Variants in NAA25 observed in about 807,000 individuals in gnomAD.
NAA25 encodes N-terminal acetyltransferase B complex subunit NAA25.
A neutral mutation model predicts 132.5 loss-of-function variants in NAA25; 30 were observed. That is an observed-to-expected ratio of 0.23 (90% CI 0.17 to 0.31). The LOEUF is 0.31. NAA25 is among the 10% of genes least tolerant of loss of function. The probability of loss-of-function intolerance (pLI) is 1.00; values close to 1 mark genes in which losing one functional copy is unlikely to be tolerated. For missense variants in NAA25, 771 were observed against 1,150.4 expected, an observed-to-expected ratio of 0.67 and a Z score of 4.77; for synonymous variants, 359 against 401.9, an observed-to-expected ratio of 0.89 and a Z score of 1.28.
chr12:112,052,088 CTT>C (rs2078475281), intron 15 of NAA25, among the ~76,000 whole-genome samples: 1 of 152,086 alleles, frequency 6.6e-6, no homozygotes, highest in Non-Finnish European at 1.5e-5. Flanking sequence ...TTTCATCTCT[CTT>C]ATAAATACAG....
At chr12:112,051,148 T>G (rs1263877663) in intron 15 of NAA25, among the ~76,000 whole-genome samples, 1 of 152,180 alleles carries the variant, frequency 6.6e-6, no homozygotes, top group Non-Finnish European at 1.5e-5. Flanking sequence ...TAGGAAACAG[T>G]TCACACCACA....
At chr12:112,102,118 G>C (rs2079304129) in intron 1 of NAA25, among the ~76,000 whole-genome samples, 1 of 151,972 alleles carries the variant, frequency 6.6e-6, no homozygotes. Flanking sequence ...ATCCACCCAG[G>C]AGGCGGAGGT....
intron 16 of NAA25, 63 bp from the exon 17 acceptor site, chr12:112,047,853 C>T: frequency 6.8e-7 from 1 of 1,474,766 alleles, no homozygotes; most frequent in Non-Finnish European, 9.2e-7. Flanking sequence ...TATTATTAAT[C>T]AGGACTTCCT....
rs372608019 is a variant in NAA25 at position 112,075,693 on chromosome 12, C to T, written c.761G>A (p.Arg254His). ...TTTTACTCACTTTTTTAGTAAGAGGCGCCGGGAAAGGGCATTGCACTCTGG... is the reference window on the plus strand; with the variant it reads ...TTTTACTCACTTTTTTAGTAAGAGGTGCCGGGAAAGGGCATTGCACTCTGG... Reference protein sequence around the residue: ...RWPECNALSRRLLLKNSDDWQ... With the variant: ...RWPECNALSRHLLLKNSDDWQ... The change falls in exon 8 of 24, where the codon CGC becomes CAC. Residue 254 changes from arginine (R) to histidine (H), a missense_variant. Physicochemically the swap from Arg to His is conservative, Grantham distance 29 (BLOSUM62 0). Coordinates refer to ENST00000261745, the MANE Select transcript of NAA25 (RefSeq NM_024953.4). 6.2e-7 allele frequency: 1 copy of T among 1,613,652 alleles called. No homozygotes were observed. Among genetic ancestry groups the T allele is most frequent in the Non-Finnish European group, 8.5e-7 (1 of 1,179,728 alleles).
intron 17 of NAA25, 43 bp downstream of exon 17, chr12:112,047,622 A>C (rs1369490436): frequency 6.3e-7 from 1 of 1,599,626 alleles, no homozygotes; most frequent in Non-Finnish European, 8.5e-7. Flanking sequence ...AACAAAAAAC[A>C]AACAAAAACT....
chr12:112,090,992 G>T, intron 2 of NAA25, 128 bp from the exon 3 acceptor site: 1 of 855,414 alleles, frequency 1.2e-6, no homozygotes, highest in Non-Finnish European at 1.8e-6. Context: ...TTCAGGCTGG[G>T]TGCGGCGGCT....
chr12:112,071,820 A>C, intron 10 of NAA25, 75 bp downstream of exon 10: 1 of 1,176,878 alleles, frequency 8.5e-7, no homozygotes, highest in Non-Finnish European at 1.2e-6. Context: ...TGTCCAGTGT[A>C]GATCTCAACT....
chr12:112,086,555 T>C lies in NAA25; in HGVS notation c.402+1128A>G, dbSNP rs556998094. 8.5e-4 allele frequency among the ~76,000 whole-genome samples: 129 copies of C among 152,196 alleles called. 1 individual carries two copies. The highest frequency in any genetic ancestry group is 8.1e-3 in the Admixed American group (123 of 15,276). On this transcript the variant is annotated intron_variant, in intron 4 of 23. Transcript: ENST00000261745. ...TTAAAACTTGCATAAACTTAAAATA[T>C]AGAGACTGATTTTAAGAAAGAGTTT...
intron 11 of NAA25, 145 bp from the exon 12 acceptor site, chr12:112,061,533 CA>C (rs2078629834): frequency 7.4e-6 from 5 of 678,122 alleles, no homozygotes; most frequent in Non-Finnish European, 9.7e-6. Context: ...TTCTATCTAC[CA>C]AAATAGCTAA....
At chr12:112,073,612 AT>A (rs1218449939) in intron 9 of NAA25, among the ~76,000 whole-genome samples, 3 of 151,870 alleles carry the variant, frequency 2.0e-5, no homozygotes, top group Non-Finnish European at 4.4e-5. Flanking sequence ...AATTTTTTGT[AT>A]TTTTAGTAGA....
chr12:112,098,619 G>A (rs748718935), intron 1 of NAA25, among the ~76,000 whole-genome samples: 1 of 152,116 alleles, frequency 6.6e-6, no homozygotes, highest in Non-Finnish European at 1.5e-5. Context: ...GCCAAAATCA[G>A]CCATCCACAG....
intron 6 of NAA25, 117 bp downstream of exon 6, chr12:112,078,517 C>CA: frequency 1.0e-6 from 1 of 966,096 alleles, no homozygotes; most frequent in Non-Finnish European, 1.6e-6. Context: ...ACCCAAAGGC[C>CA]AAAAGTGAGG....
At chr12:112,075,352 C>A (rs1469058329) in intron 8 of NAA25, among the ~76,000 whole-genome samples, 2 of 152,144 alleles carry the variant, frequency 1.3e-5, no homozygotes, top group African/African-American at 4.8e-5. Context: ...CCACAACTAG[C>A]TAATTTTTGT....
chr12:112,031,848 G>A (rs746861783), intron 23 of NAA25, among the ~76,000 whole-genome samples: 1 of 151,006 alleles, frequency 6.6e-6, no homozygotes. Context: ...TTTCTACCTG[G>A]TGAAAACCAA....
intron 1 of NAA25, among the ~76,000 whole-genome samples, chr12:112,096,344 G>C (rs992366709): frequency 6.6e-6 from 1 of 152,158 alleles, no homozygotes; most frequent in Non-Finnish European, 1.5e-5. Context: ...TATCAGCAAA[G>C]GCACAGACAA....
chr12:112,080,963 C>G, intron 5 of NAA25, 97 bp downstream of exon 5: 1 of 1,045,168 alleles, frequency 9.6e-7, no homozygotes, highest in Non-Finnish European at 1.5e-6. Context: ...GTGACCCTGT[C>G]TCAAACAAAA....
intron 6 of NAA25, 30 bp downstream of exon 6, chr12:112,078,604 A>C: frequency 6.4e-7 from 1 of 1,574,564 alleles, no homozygotes; most frequent in Non-Finnish European, 8.7e-7. Context: ...AAAAAAATGA[A>C]AACACAAAAG....
At chr12:112,084,931 T>C (rs1183414710) in intron 4 of NAA25, among the ~76,000 whole-genome samples, 2 of 151,352 alleles carry the variant, frequency 1.3e-5, no homozygotes, top group Non-Finnish European at 2.9e-5. Context: ...ACCCCATCTC[T>C]ATTAAAAATA....
At chr12:112,080,920 A>T in intron 5 of NAA25, 140 bp downstream of exon 5, 1 of 767,148 alleles carries the variant, frequency 1.3e-6, no homozygotes. Context: ...GTGAGCTATG[A>T]TTGCACCACT....
Sources: gnomAD v4.1 joint callset for allele counts (sites outside exome capture counted in the v4.1 genomes callset) on GRCh38, gnomAD v4.1.1 for gene constraint, MANE v1.5 for transcripts, NCBI Gene and HGNC (gene_info 2026-07-23, HGNC 2026-07-21) for gene names.